OR2L13: variants seen among roughly 807,000 people sequenced by gnomAD.
The protein encoded by OR2L13 is olfactory receptor 2L13.
In OR2L13, 14 loss-of-function variants were observed where a neutral mutation model predicts 15.3. The ratio of observed to expected loss-of-function variants is 0.91; its 90% CI spans 0.60 to 1.43. The LOEUF (loss-of-function observed/expected upper bound fraction) is 1.43, where lower values mean the gene tolerates loss of function less well. OR2L13 is among the 40% of genes most tolerant of loss of function. The probability of loss-of-function intolerance (pLI) is 0.00; values close to 1 mark genes in which losing one functional copy is unlikely to be tolerated. For synonymous variants in OR2L13, 152 were observed against 142.9 expected (o/e 1.06, Z -0.45); for missense variants, 367 against 387.9 (o/e 0.95, Z 0.45).
At chr1:247,940,905 C>T in the OR2L13 span, among the ~76,000 whole-genome samples, 1 of 152,090 alleles carries the variant, frequency 6.6e-6, no homozygotes. Flanking sequence ...GCTTCATCAA[C>T]ATCTGTGCTT....
chr1:248,008,080 C>A, the OR2L13 span, among the ~76,000 whole-genome samples: 1 of 152,158 alleles, frequency 6.6e-6, no homozygotes, highest in Non-Finnish European at 1.5e-5. Flanking sequence ...ATAAAGATTC[C>A]TCCAGGACTC....
the OR2L13 span, among the ~76,000 whole-genome samples, chr1:248,081,021 T>A: frequency 6.6e-6 from 1 of 152,204 alleles, no homozygotes; most frequent in South Asian, 2.1e-4. Context: ...TAGAGATTCA[T>A]GAGAACCATA....
At chr1:248,085,921 AG>A in the OR2L13 span, among the ~76,000 whole-genome samples, 1 of 152,148 alleles carries the variant, frequency 6.6e-6, no homozygotes, top group Non-Finnish European at 1.5e-5. Flanking sequence ...GATCTGACGG[AG>A]GCAGAACTCA....
chr1:247,942,440 A>G, the OR2L13 span, among the ~76,000 whole-genome samples: 1 of 152,114 alleles, frequency 6.6e-6, no homozygotes. Flanking sequence ...TGTCTGAGAA[A>G]CTGACTCAGT....
chr1:248,023,225 A>G, the OR2L13 span: 24 of 162,044 alleles, frequency 1.5e-4, no homozygotes, highest in Non-Finnish European at 3.1e-4. Context: ...TTATTATTAA[A>G]ATAAGACAAA....
At chr1:247,943,191 A>G in the OR2L13 span, among the ~76,000 whole-genome samples, 2 of 152,140 alleles carry the variant, frequency 1.3e-5, no homozygotes, top group Non-Finnish European at 2.9e-5. Context: ...TTTGATGCAA[A>G]AACAGAGTAA....
the OR2L13 span, among the ~76,000 whole-genome samples, chr1:247,976,369 G>T: frequency 1.4e-4 from 22 of 152,256 alleles, no homozygotes; most frequent in African/African-American, 5.1e-4. Flanking sequence ...TATACAGCTT[G>T]GGTTGGGGTC....
At chr1:247,987,107 G>A in the OR2L13 span, among the ~76,000 whole-genome samples, 1 of 152,106 alleles carries the variant, frequency 6.6e-6, no homozygotes, top group Non-Finnish European at 1.5e-5. Context: ...TGTTGTTAGT[G>A]TATAGCCACT....
the OR2L13 span, among the ~76,000 whole-genome samples, chr1:248,031,293 A>C: frequency 6.6e-6 from 1 of 152,226 alleles, no homozygotes; most frequent in Non-Finnish European, 1.5e-5. Flanking sequence ...GAACATGAAT[A>C]ATCAAAGAGA....
chr1:247,989,950 A>C, the OR2L13 span, among the ~76,000 whole-genome samples: 1 of 152,216 alleles, frequency 6.6e-6, no homozygotes, highest in Admixed American at 6.5e-5. Flanking sequence ...CATCAGAAGA[A>C]AAATAAACAC....
At chr1:248,047,916 T>C in the OR2L13 span, among the ~76,000 whole-genome samples, 6 of 152,322 alleles carry the variant, frequency 3.9e-5, no homozygotes, top group South Asian at 6.2e-4. Flanking sequence ...TAATAACCCA[T>C]GGATTCTTCT....
chr1:247,948,860 G>T, the OR2L13 span: 3 of 1,599,978 alleles, frequency 1.9e-6, no homozygotes, highest in African/African-American at 1.3e-5. Flanking sequence ...AATGCTCCAT[G>T]GAAAATTACA....
the OR2L13 span, chr1:248,061,087 A>C: frequency 6.2e-7 from 1 of 1,614,012 alleles, no homozygotes; most frequent in East Asian, 2.2e-5. Context: ...CATCCGCATG[A>C]GCAAAAGAAT....
At chr1:247,966,485 G>T in the OR2L13 span, 2 of 740,344 alleles carry the variant, frequency 2.7e-6, no homozygotes, top group African/African-American at 3.6e-5. Context: ...TTAAATCTGT[G>T]TTCCCCTGGC....
upstream of OR2L13, among the ~76,000 whole-genome samples, chr1:248,092,294 C>T (rs1480782552): frequency 1.3e-5 from 2 of 152,090 alleles, no homozygotes; most frequent in Middle Eastern, 3.2e-3. Context: ...ATTGCTCTGG[C>T]TAAGACTTCC....
the OR2L13 span, among the ~76,000 whole-genome samples, chr1:248,027,132 G>A: frequency 1.3e-5 from 2 of 152,138 alleles, no homozygotes; most frequent in South Asian, 2.1e-4. Context: ...CCTAGGGGGC[G>A]GCCTCTAAAA....
the OR2L13 span, among the ~76,000 whole-genome samples, chr1:248,080,452 G>A: frequency 0.016 from 2,434 of 151,976 alleles, 65 homozygotes; most frequent in African/African-American, 0.055. Context: ...AAGAGGCCCC[G>A]GTGTGTGATG....
the OR2L13 span, among the ~76,000 whole-genome samples, chr1:248,037,639 T>C: frequency 6.6e-6 from 1 of 152,218 alleles, no homozygotes; most frequent in African/African-American, 2.4e-5. Flanking sequence ...GAGTTCATCA[T>C]TTAAGTGTTG....
the OR2L13 span, among the ~76,000 whole-genome samples, chr1:248,079,221 TA>T: frequency 2.0e-5 from 3 of 151,504 alleles, no homozygotes; most frequent in Non-Finnish European, 4.4e-5. Flanking sequence ...TATAACATAG[TA>T]ACACTGGGAC....
Sources: allele counts gnomAD v4.1 joint callset (sites outside exome capture counted in the v4.1 genomes callset), GRCh38; gene constraint gnomAD v4.1.1; transcripts MANE v1.5; gene names NCBI Gene and HGNC (gene_info 2026-07-23, HGNC 2026-07-21).